SPATA2: variants seen among roughly 807,000 people sequenced by gnomAD.
SPATA2 encodes the protein spermatogenesis-associated protein 2.
In SPATA2, 8 loss-of-function variants were observed where a neutral mutation model predicts 35.4. The observed-to-expected ratio is 0.23, with a 90% CI of 0.13 to 0.41. The LOEUF is 0.41. SPATA2 is among the 10% of genes least tolerant of loss of function. SPATA2 has a pLI of 1.00. For synonymous variants in SPATA2, 293 were observed against 300.9 expected, an observed-to-expected ratio of 0.97 and a Z score of 0.27; for missense variants, 650 against 698.7, an observed-to-expected ratio of 0.93 and a Z score of 0.79.
At chr20:49,914,970 T>C (rs979309329) in intron 1 of SPATA2, among the ~76,000 whole-genome samples, 1 of 152,214 alleles carries the variant, frequency 6.6e-6, no homozygotes, top group African/African-American at 2.4e-5. Context: ...ATCACTTAAA[T>C]AGGCAACTGA....
chr20:49,906,468 C>A lies in SPATA2; in HGVS notation c.714G>T (p.Ala238=). The part of the protein sequence containing the change: ...VALQKSASER[A]AKDYYKPRVT... The stretch of plus-strand genomic sequence containing the variant: ...CGCGGGGCTTGTAGTAGTCCTTGGC[C>A]GCCCGCTCGCTGGCCGACTTCTGGA... Residue 238 remains alanine (A), a synonymous_variant, in exon 3 of 3, where the codon GCG becomes GCT. Coordinates refer to ENST00000289431, the MANE Select transcript of SPATA2 (RefSeq NM_006038.4). This position sits in a 1 kb window ranked among gnomAD's most constrained non-coding sequence, Gnocchi z 8.2. 1 of 1,611,160 alleles carries A rather than the reference C, an allele frequency of 6.2e-7. No individual in the cohort carries two copies. Among genetic ancestry groups the A allele is most frequent in the Non-Finnish European group, 8.5e-7 (1 of 1,179,930 alleles).
At chr20:49,914,557 G>A (rs1448844877) in intron 1 of SPATA2, among the ~76,000 whole-genome samples, 1 of 151,894 alleles carries the variant, frequency 6.6e-6, no homozygotes, top group Non-Finnish European at 1.5e-5. Flanking sequence ...AACATCCAAG[G>A]CACCTTCCAC....
intron 1 of SPATA2, among the ~76,000 whole-genome samples, chr20:49,915,066 G>A (rs1024894462): frequency 1.3e-5 from 2 of 152,174 alleles, no homozygotes; most frequent in African/African-American, 4.8e-5. Context: ...GGGAACCCCT[G>A]CGCGGTAACT....
At chr20:49,908,108 AG>A in intron 2 of SPATA2, 46 bp downstream of exon 2, 1 of 1,531,824 alleles carries the variant, frequency 6.5e-7, no homozygotes. Flanking sequence ...TGCCAGGGGC[AG>A]GAAGAGAGAA....
intron 1 of SPATA2, among the ~76,000 whole-genome samples, chr20:49,914,834 G>C (rs1268555629): frequency 2.0e-5 from 3 of 152,204 alleles, no homozygotes; most frequent in Non-Finnish European, 4.4e-5. Context: ...TCAAATTCTG[G>C]CCCCCCCTAC....
In SPATA2 at chr20:49,904,650, A is replaced by C. The variant is rs2090129556; in HGVS notation, c.*969T>G. 6.6e-6 allele frequency: 1 copy of C among 152,610 alleles called. No homozygotes were observed. Among genetic ancestry groups the C allele is most frequent in the South Asian group, 2.1e-4 (1 of 4,830 alleles). 9.5% of individuals were successfully genotyped at this position (152,610 alleles called of 1,614,324 possible). ...GAAGACAGTGGCTCTCCACCAGCTCAAGAAAAGGAGGCTTCATGTCTGTTC... is the reference window on the plus strand; with the variant it reads ...GAAGACAGTGGCTCTCCACCAGCTCCAGAAAAGGAGGCTTCATGTCTGTTC... On this transcript the variant is annotated 3_prime_UTR_variant, in exon 3 of 3. Coordinates refer to ENST00000289431, the MANE Select transcript of SPATA2 (RefSeq NM_006038.4).
At chr20:49,909,087 A>T (rs1404489513) in intron 1 of SPATA2, among the ~76,000 whole-genome samples, 1 of 152,032 alleles carries the variant, frequency 6.6e-6, no homozygotes, top group African/African-American at 2.4e-5. Flanking sequence ...CAGTGGCGTG[A>T]TCTCAGCTCA....
intron 1 of SPATA2, among the ~76,000 whole-genome samples, chr20:49,911,669 A>T (rs1330860364): frequency 6.8e-6 from 1 of 146,742 alleles, no homozygotes; most frequent in Non-Finnish European, 1.5e-5. Flanking sequence ...TCCGTCTCTA[A>T]AAAAAAAAAA....
chr20:49,905,953 G>A lies in SPATA2; in HGVS notation c.1229C>T (p.Pro410Leu). 1 of 1,609,960 alleles carries A rather than the reference G, an allele frequency of 6.2e-7. No homozygotes were observed. ...CGAGGCCTTGCTGGGGAAGGCGCTGGGCTTGGAAGCTGGAGGACAGGTGAG... is the reference window on the plus strand; with the variant it reads ...CGAGGCCTTGCTGGGGAAGGCGCTGAGCTTGGAAGCTGGAGGACAGGTGAG... Reference protein sequence around the residue: ...SLLTCPPASKPSAFPSKASTH... With the variant: ...SLLTCPPASKLSAFPSKASTH... The change falls in exon 3 of 3, where the codon CCC (proline) becomes CTC (leucine). Residue 410 changes from proline (P) to leucine (L), a missense_variant. Pro to Leu is a moderately conservative substitution (Grantham distance 98). Transcript: ENST00000289431.
intron 1 of SPATA2, 92 bp from the exon 2 acceptor site, chr20:49,908,684 C>T (rs6125810): frequency 1.7e-6 from 1 of 585,460 alleles, no homozygotes; most frequent in Non-Finnish European, 3.0e-6. Flanking sequence ...CAGAACTGGC[C>T]TGGGCTACAC....
At position 49,908,433 on chromosome 20, in the gene SPATA2, C is replaced by A. The variant is rs753497693; in HGVS notation, c.58G>T (p.Val20Leu). 21 of 1,608,156 alleles carry A rather than the reference C, an allele frequency of 1.3e-5. No homozygotes were observed. Among genetic ancestry groups the A allele is most frequent in the Non-Finnish European group, 1.7e-5 (20 of 1,174,988 alleles). Reference protein sequence around the residue: ...KFKDDLFRKYVQFHESKVDTT... With the variant: ...KFKDDLFRKYLQFHESKVDTT... The stretch of plus-strand genomic sequence containing the variant: ...TCCACTTTGCTCTCATGGAACTGCA[C>A]GTACTTCCGAAATAAGTCATCCTTG... The change falls in exon 2 of 3, where the codon GTG becomes TTG. Residue 20 changes from valine (V) to leucine (L), a missense_variant. Transcript: ENST00000289431.
Position 49,906,291 on chromosome 20 carries a change from C to T in SPATA2, c.891G>A (p.Ser297=), listed in dbSNP as rs778563492. Residue 297 remains serine, a synonymous_variant, in exon 3 of 3, where the codon TCG becomes TCA. Coordinates refer to ENST00000289431, the MANE Select transcript of SPATA2 (RefSeq NM_006038.4). This position sits in a 1 kb window ranked among gnomAD's most constrained non-coding sequence, Gnocchi z 8.2. The part of the protein sequence containing the change: ...LKDEIIRPSP[S]LLTMASSPHG... ...GGGGGGAGCTGGCCATGGTCAGCAG[C>T]GAAGGGGATGGGCGGATGATCTCAT... 46 of 1,579,538 alleles carry T rather than the reference C, an allele frequency of 2.9e-5. No homozygotes were observed. The South Asian group carries it at 4.6e-4, about 16-fold the overall frequency.
In SPATA2 at chr20:49,903,902, G is replaced by GATATATAT. The variant is rs374830291; in HGVS notation, c.*1709_*1716dup. On this transcript the variant is annotated 3_prime_UTR_variant, in exon 3 of 3. Coordinates refer to ENST00000289431, the MANE Select transcript of SPATA2 (RefSeq NM_006038.4). ...ACATCTACATGTGATCTACCAGATA[G>GATATATAT]ATATATATATATATATATATATATA... 39 of 96,920 alleles carry GATATATAT rather than the reference G, an allele frequency of 4.0e-4. No individual in the cohort carries two copies. Among genetic ancestry groups the GATATATAT allele is most frequent in the African/African-American group, 5.1e-4 (11 of 21,366 alleles). The allele number at this position is 96,920 out of a possible 1,614,324, so 6.0% of individuals were successfully genotyped here.
At chr20:49,911,261 C>A (rs781329119) in intron 1 of SPATA2, among the ~76,000 whole-genome samples, 1 of 152,162 alleles carries the variant, frequency 6.6e-6, no homozygotes, top group Non-Finnish European at 1.5e-5. Flanking sequence ...CTCACCCTCC[C>A]TGGTAAGCTG....
rs1049310316 is a variant in SPATA2 at position 49,905,523 on chromosome 20, C to A, written c.*96G>T. On this transcript the variant is annotated 3_prime_UTR_variant, in exon 3 of 3. Coordinates refer to ENST00000289431, the MANE Select transcript of SPATA2 (RefSeq NM_006038.4). ...TGCCACCTACATGGTCAAGTGCAGGCCTCCGCCTCTGAGATCAATGCGTTA... is the reference window on the plus strand; with the variant it reads ...TGCCACCTACATGGTCAAGTGCAGGACTCCGCCTCTGAGATCAATGCGTTA... 56 of 1,409,006 alleles carry A rather than the reference C, an allele frequency of 4.0e-5. No homozygotes were observed. The highest frequency in any genetic ancestry group is 2.7e-5 in the Non-Finnish European group (28 of 1,025,716). The allele number at this position is 1,409,006 out of a possible 1,614,324, so 87.3% of individuals were successfully genotyped here. A position where few individuals can be genotyped will look rare whatever the true frequency, so the allele number is the denominator to read the frequency against.
At chr20:49,914,048 AAC>A (rs1305797434) in intron 1 of SPATA2, among the ~76,000 whole-genome samples, 37 of 126,414 alleles carry the variant, frequency 2.9e-4, no homozygotes, top group African/African-American at 9.0e-4. Flanking sequence ...AAAAAAAAAA[AAC>A]CCAAAAAACA....
At position 49,905,914 on chromosome 20, in the gene SPATA2, A is replaced by C; in HGVS notation, c.1268T>G (p.Leu423Arg). 6.2e-7 allele frequency: 1 copy of C among 1,612,226 alleles called. No individual in the cohort carries two copies. ...CTCCCGCAGAGATGCCCCGTGGGCC[A>C]GGCTGTCATGAGTCGAGGCCTTGCT... Reference protein sequence around the residue: ...FPSKASTHDSLAHGASLREKY... With the variant: ...FPSKASTHDSRAHGASLREKY... Residue 423 changes from leucine to arginine, a missense_variant, in exon 3 of 3, where the codon CTG becomes CGG. Physicochemically the swap from Leu to Arg is moderately radical, Grantham distance 102. Coordinates refer to ENST00000289431, the MANE Select transcript of SPATA2 (RefSeq NM_006038.4).
In SPATA2 at chr20:49,905,571, G is replaced by A. The variant is rs755355960; in HGVS notation, c.*48C>T. 55 of 1,594,366 alleles carry A rather than the reference G, an allele frequency of 3.4e-5. 2 individuals are homozygous for A. The highest frequency in any genetic ancestry group is 3.3e-4 in the Admixed American group (19 of 58,430). Reference sequence around the variant, plus strand: ...TTAGTACTTCTTCACCGTGAAACCCGAAAGGTCGGTTGATGTAGCCCTTGG... The same window carrying A: ...TTAGTACTTCTTCACCGTGAAACCCAAAAGGTCGGTTGATGTAGCCCTTGG... On this transcript the variant is annotated 3_prime_UTR_variant, in exon 3 of 3. Transcript: ENST00000289431.
rs2090135139 is a variant in SPATA2 at position 49,905,542 on chromosome 20, T to C, written c.*77A>G. The C allele has an allele frequency of 2.6e-6, 4 of 1,512,254 alleles. No homozygotes were observed. The highest frequency in any genetic ancestry group is 3.6e-6 in the Non-Finnish European group (4 of 1,108,304). 93.7% of individuals were successfully genotyped at this position (1,512,254 alleles called of 1,614,324 possible). A position where few individuals can be genotyped will look rare whatever the true frequency, so the allele number is the denominator to read the frequency against. ...TGCAGGCCTCCGCCTCTGAGATCAA[T>C]GCGTTAGTACTTCTTCACCGTGAAA... On this transcript the variant is annotated 3_prime_UTR_variant, in exon 3 of 3. Coordinates refer to ENST00000289431, the MANE Select transcript of SPATA2 (RefSeq NM_006038.4).
Sources: gnomAD v4.1 joint callset for allele counts (sites outside exome capture counted in the v4.1 genomes callset) on GRCh38, gnomAD v4.1.1 for gene constraint, Gnocchi (gnomAD v3.1) non-coding constraint, MANE v1.5 for transcripts, NCBI Gene and HGNC (gene_info 2026-07-23, HGNC 2026-07-21) for gene names.